PHTF2: variants seen among roughly 807,000 people sequenced by gnomAD.
The protein encoded by PHTF2 is putative homeodomain transcription factor 2, also known as protein PHTF2.
A neutral mutation model predicts 101.2 loss-of-function variants in PHTF2; 60 were observed. The observed-to-expected ratio is 0.59, with a 90% CI of 0.48 to 0.73. The LOEUF is 0.73. Among genes scored for constraint, PHTF2 ranks in the 30% least tolerant of loss-of-function variants. PHTF2 has a pLI of 0.00. For missense variants in PHTF2, 747 were observed against 908.7 expected, an observed-to-expected ratio of 0.82 and a Z score of 2.29; for synonymous variants, 311 against 307.3, an observed-to-expected ratio of 1.01 and a Z score of -0.13.
At chr7:77,871,786 A>G (rs1431652590) in intron 3 of PHTF2, among the ~76,000 whole-genome samples, 9 of 152,312 alleles carry the variant, frequency 5.9e-5, no homozygotes, top group East Asian at 1.9e-4. Flanking sequence ...AGTGAATTCC[A>G]TAAGCATGAG....
chr7:77,857,633 T>G (rs1797292206), intron 3 of PHTF2, among the ~76,000 whole-genome samples: 2 of 152,186 alleles, frequency 1.3e-5, no homozygotes, highest in Admixed American at 1.3e-4. Context: ...TCAAAAACCT[T>G]CCGTCACAAC....
rs374148099 is a variant in PHTF2 at position 77,842,170 on chromosome 7, T to C, written c.45+1870T>C. Among the ~76,000 whole-genome samples the C allele has an allele frequency of 1.6e-4, 25 of 152,304 alleles. No homozygotes were observed. In the East Asian group the frequency reaches 3.7e-3, roughly 22 times the overall value. ...CAACTATAGGAAATGTCATAAAATA[T>C]ACTAGCAAATGTAATCACATATTCT... On this transcript the variant is annotated intron_variant, in intron 2 of 19. Coordinates refer to ENST00000416283, the Ensembl canonical transcript of PHTF2.
chr7:77,830,070 A>G (rs1255382143), intron 1 of PHTF2, among the ~76,000 whole-genome samples: 1 of 152,220 alleles, frequency 6.6e-6, no homozygotes, highest in Non-Finnish European at 1.5e-5. Flanking sequence ...TTTGTGTTTA[A>G]TATAGGCGAA....
intron 3 of PHTF2, among the ~76,000 whole-genome samples, chr7:77,880,909 A>G (rs935294409): frequency 1.3e-5 from 2 of 152,150 alleles, no homozygotes; most frequent in African/African-American, 4.8e-5. Context: ...GGACTTTTGA[A>G]CCTTGGTGGT....
At chr7:77,913,185 C>A (rs908747127) in intron 9 of PHTF2, among the ~76,000 whole-genome samples, 1 of 151,884 alleles carries the variant, frequency 6.6e-6, no homozygotes, top group African/African-American at 2.4e-5. Context: ...GTCAGGAGTT[C>A]AAGACCAGTC....
chr7:77,926,850 G>T (rs945021255), intron 11 of PHTF2, among the ~76,000 whole-genome samples: 1 of 150,328 alleles, frequency 6.7e-6, no homozygotes, highest in Non-Finnish European at 1.5e-5. Flanking sequence ...GGTGGTACAC[G>T]CATGTAGTCC....
At chr7:77,930,000 C>G (rs889682850) in intron 12 of PHTF2, among the ~76,000 whole-genome samples, 4 of 138,894 alleles carry the variant, frequency 2.9e-5, no homozygotes, top group Non-Finnish European at 6.0e-5. Flanking sequence ...GTCACCCAGG[C>G]TGGAGTACAA....
chr7:77,905,744 C>T (rs979876959), intron 7 of PHTF2, among the ~76,000 whole-genome samples: 7 of 152,196 alleles, frequency 4.6e-5, no homozygotes, highest in African/African-American at 1.2e-4. Context: ...GCAGTCCACC[C>T]GCCTCAGCCT....
chr7:77,871,074 A>G (rs1798476076), intron 3 of PHTF2, among the ~76,000 whole-genome samples: 1 of 152,126 alleles, frequency 6.6e-6, no homozygotes, highest in Admixed American at 6.5e-5. Flanking sequence ...ACCTTCTTCT[A>G]CTACCCATTC....
intron 16 of PHTF2, among the ~76,000 whole-genome samples, chr7:77,947,434 A>C (rs1806148963): frequency 6.6e-6 from 1 of 151,844 alleles, no homozygotes; most frequent in Non-Finnish European, 1.5e-5. Context: ...GCGGTGGTCC[A>C]TGCCTGTAAT....
intron 11 of PHTF2, among the ~76,000 whole-genome samples, chr7:77,928,788 G>T (rs1483008950): frequency 6.6e-6 from 1 of 152,186 alleles, no homozygotes; most frequent in Non-Finnish European, 1.5e-5. Context: ...CGTGCAGACC[G>T]TATGAACTTA....
chr7:77,811,648 T>C (rs1012118367), intron 1 of PHTF2, among the ~76,000 whole-genome samples: 5 of 152,226 alleles, frequency 3.3e-5, no homozygotes, highest in African/African-American at 1.2e-4. Context: ...TTTGCCAATG[T>C]CTCTATGATT....
exon 20 of PHTF2, chr7:77,956,202 TC>T (rs1324134450): frequency 1.3e-5 from 2 of 152,616 alleles, no homozygotes; most frequent in Non-Finnish European, 2.9e-5. Flanking sequence ...TTTGAAACAA[TC>T]TAGAATTTTC....
intron 3 of PHTF2, among the ~76,000 whole-genome samples, chr7:77,868,733 A>G (rs1348841347): frequency 1.3e-5 from 2 of 152,186 alleles, no homozygotes; most frequent in South Asian, 2.1e-4. Context: ...TGGAAAGCCT[A>G]TGGGCTTTTA....
chr7:77,947,855 T>TTTTTTTTTTTTTA (rs1806209604), intron 16 of PHTF2, among the ~76,000 whole-genome samples: 1 of 142,652 alleles, frequency 7.0e-6, no homozygotes, highest in Non-Finnish European at 1.5e-5. Context: ...TTTTTTTTTT[T>TTTTTTTTTTTTTA]GAGACAGAGT....
chr7:77,946,353 ATTTAC>A (rs543529851), intron 16 of PHTF2, among the ~76,000 whole-genome samples: 258 of 152,270 alleles, frequency 1.7e-3, no homozygotes, highest in Non-Finnish European at 3.0e-3. Context: ...CTTAAGAGTT[ATTTAC>A]TTTAAAATTG....
intron 2 of PHTF2, among the ~76,000 whole-genome samples, chr7:77,844,315 T>A (rs1796107721): frequency 6.6e-6 from 1 of 152,124 alleles, no homozygotes; most frequent in Admixed American, 6.5e-5. Context: ...TAGAGTCACC[T>A]TTCTCCACTA....
intron 12 of PHTF2, among the ~76,000 whole-genome samples, chr7:77,934,161 T>C (rs1316084995): frequency 2.6e-5 from 4 of 152,222 alleles, no homozygotes; most frequent in Admixed American, 1.3e-4. Context: ...GGAAGACCTT[T>C]TTCTGTCTGC....
At chr7:77,896,564 A>C (rs1800892303) in intron 5 of PHTF2, among the ~76,000 whole-genome samples, 2 of 152,170 alleles carry the variant, frequency 1.3e-5, no homozygotes, top group South Asian at 4.1e-4. Flanking sequence ...TAAAAAATAC[A>C]TACATACATA....
Sources: gnomAD v4.1 joint callset for allele counts (sites outside exome capture counted in the v4.1 genomes callset) on GRCh38, gnomAD v4.1.1 for gene constraint, MANE v1.5 for transcripts, NCBI Gene and HGNC (gene_info 2026-07-23, HGNC 2026-07-21) for gene names.